Variants in IL12RB2 observed in about 807,000 individuals in gnomAD.
IL12RB2 encodes the protein interleukin 12 receptor subunit beta 2, also known as interleukin-12 receptor subunit beta-2.
Under a neutral mutation model 89.4 loss-of-function variants are expected in IL12RB2, and 82 were observed. That is an observed-to-expected ratio of 0.92 (90% confidence interval 0.77 to 1.10). The LOEUF is 1.10. IL12RB2 is among the 50% of genes least tolerant of loss of function. IL12RB2 has a pLI of 0.00. For synonymous variants in IL12RB2, 368 were observed against 370.1 expected, an observed-to-expected ratio of 0.99 and a Z score of 0.07; for missense variants, 963 against 1,031.9, an observed-to-expected ratio of 0.93 and a Z score of 0.92.
chr1:67,330,577 T>TG (rs1657937505), intron 7 of IL12RB2, 83 bp from the exon 8 acceptor site: 1 of 759,928 alleles, frequency 1.3e-6, no homozygotes, highest in Admixed American at 2.1e-5. Context: ...TAGCCTGGGT[T>TG]TTTTTTTTTT....
intron 9 of IL12RB2, among the ~76,000 whole-genome samples, chr1:67,344,667 T>C (rs919273369): frequency 6.6e-6 from 1 of 152,238 alleles, no homozygotes; most frequent in Non-Finnish European, 1.5e-5. Context: ...TTAAAATTAT[T>C]TGGATATTTT....
chr1:67,377,105 G>C (rs189392632), intron 13 of IL12RB2, among the ~76,000 whole-genome samples: 15 of 152,320 alleles, frequency 9.8e-5, no homozygotes, highest in Admixed American at 3.3e-4. Flanking sequence ...GGGTGGAGTA[G>C]AGGTAATATT....
intron 15 of IL12RB2, among the ~76,000 whole-genome samples, chr1:67,389,614 A>G (rs6685568): frequency 0.14 from 21,092 of 152,102 alleles, 2,204 homozygotes; most frequent in African/African-American, 0.28. Flanking sequence ...CTTTTTTTCA[A>G]CTGTTCACAT....
At chr1:67,384,171 CCG>C (rs1273718441) in intron 14 of IL12RB2, among the ~76,000 whole-genome samples, 1 of 152,164 alleles carries the variant, frequency 6.6e-6, no homozygotes, top group Non-Finnish European at 1.5e-5. Flanking sequence ...CATAAGGGCT[CCG>C]CCCCTGCAGC....
At chr1:67,379,343 C>T (rs1415971722) in intron 13 of IL12RB2, among the ~76,000 whole-genome samples, 2 of 151,082 alleles carry the variant, frequency 1.3e-5, no homozygotes, top group African/African-American at 4.9e-5. Context: ...AACCCCATCA[C>T]TACTAAAAAT....
chr1:67,396,939 T>C lies in IL12RB2; in HGVS notation c.*850T>C, dbSNP rs1666405379. On this transcript the variant is annotated 3_prime_UTR_variant, in exon 17 of 17. Transcript: ENST00000674203. ...TGAGGTCAGGAGATCGAGACCATTCTGGCTAACATGGTGAAACCCCATCTC... is the reference window on the plus strand; with the variant it reads ...TGAGGTCAGGAGATCGAGACCATTCCGGCTAACATGGTGAAACCCCATCTC... The C allele has an allele frequency of 6.6e-6, 1 of 152,066 alleles. No individual in the cohort carries two copies. The highest frequency in any genetic ancestry group is 2.4e-5 in the African/African-American group (1 of 41,380). 9.4% of individuals were successfully genotyped at this position (152,066 alleles called of 1,614,324 possible). A position where few individuals can be genotyped will look rare whatever the true frequency, so the allele number is the denominator to read the frequency against.
chr1:67,318,694 G>A lies in IL12RB2; in HGVS notation c.-36-1639G>A, dbSNP rs144511753. Among the ~76,000 whole-genome samples the A allele has an allele frequency of 3.9e-4, 60 of 152,136 alleles. No individual in the cohort carries two copies. The East Asian group carries it at 9.5e-3, about 24-fold the overall frequency. On this transcript the variant is annotated intron_variant, in intron 2 of 16. Coordinates refer to ENST00000674203, the MANE Select transcript of IL12RB2 (RefSeq NM_001374259.2). ...AAGGAAGAATGAATTTGGAGAAAGG[G>A]TGCCAAGAATTTAAACTGAACACCT... is the stretch of plus-strand genomic sequence containing the variant.
upstream of IL12RB2, chr1:67,307,390 C>T (rs1394480432): frequency 6.6e-6 from 1 of 152,348 alleles, no homozygotes; most frequent in Non-Finnish European, 1.5e-5. Flanking sequence ...AGGACATCTG[C>T]GAGGAAAGTT....
intron 14 of IL12RB2, among the ~76,000 whole-genome samples, chr1:67,384,948 T>C (rs1664982862): frequency 6.6e-6 from 1 of 152,330 alleles, no homozygotes; most frequent in Non-Finnish European, 1.5e-5. Flanking sequence ...CTTCCTATCT[T>C]CTCAGCCCTC....
chr1:67,356,124 G>A (rs1228429146), intron 10 of IL12RB2, among the ~76,000 whole-genome samples: 2 of 152,220 alleles, frequency 1.3e-5, no homozygotes, highest in Admixed American at 6.5e-5. Context: ...GGCAAGTGAA[G>A]ACAAGGAACC....
intron 9 of IL12RB2, among the ~76,000 whole-genome samples, chr1:67,340,448 T>C (rs1268019524): frequency 6.6e-6 from 1 of 152,234 alleles, no homozygotes; most frequent in African/African-American, 2.4e-5. Context: ...TCAACAGTGA[T>C]CTGGAAAGAT....
Position 67,396,908 on chromosome 1 carries a change from G to A in IL12RB2, c.*819G>A, listed in dbSNP as rs17838069. 0.043 allele frequency: 6,551 copies of A among 152,252 alleles called. 180 individuals carry two copies. The highest frequency in any genetic ancestry group is 0.068 in the African/African-American group (2,834 of 41,498). 9.4% of individuals were successfully genotyped at this position (152,252 alleles called of 1,614,324 possible). The stretch of plus-strand genomic sequence containing the variant: ...AGCACTTTGGGAGGCTGAGGCAGGC[G>A]GATCATGAGGTCAGGAGATCGAGAC... On this transcript the variant is annotated 3_prime_UTR_variant, in exon 17 of 17. Coordinates refer to ENST00000674203, the MANE Select transcript of IL12RB2 (RefSeq NM_001374259.2).
chr1:67,393,266 T>C (rs1666019402), intron 16 of IL12RB2, among the ~76,000 whole-genome samples: 1 of 152,090 alleles, frequency 6.6e-6, no homozygotes. Flanking sequence ...GGCCAAATCA[T>C]AAAGGGGATT....
chr1:67,386,646 C>G lies in IL12RB2; in HGVS notation c.1923C>G (p.Phe641Leu). ...TTGCTATCATCATGGTGGGCATTTT[C>G]TCAACGCATTACTTCCAGCAAAAGT... ...ICIAIIMVGI[F>L]STHYFQQKVF... The change falls in exon 15 of 17, where the codon TTC becomes TTG. Residue 641 changes from phenylalanine to leucine, a missense_variant. Coordinates refer to ENST00000674203, the MANE Select transcript of IL12RB2 (RefSeq NM_001374259.2). 6.2e-7 allele frequency: 1 copy of G among 1,612,590 alleles called. No individual in the cohort carries two copies. Among genetic ancestry groups the G allele is most frequent in the Non-Finnish European group, 8.5e-7 (1 of 1,178,742 alleles).
chr1:67,385,886 CAT>C (rs965607631), intron 14 of IL12RB2, among the ~76,000 whole-genome samples: 1 of 152,132 alleles, frequency 6.6e-6, no homozygotes, highest in African/African-American at 2.4e-5. Context: ...CAGCAAGGTA[CAT>C]GTCACCATTC....
chr1:67,395,425 A>G, intron 16 of IL12RB2, 122 bp from the exon 17 acceptor site: 10 of 1,588,748 alleles, frequency 6.3e-6, no homozygotes, highest in Non-Finnish European at 8.6e-6. Context: ...CCAGTGCCCA[A>G]CATGTTCCAG....
upstream of IL12RB2, chr1:67,307,684 T>A (rs1654437769): frequency 6.6e-6 from 1 of 152,312 alleles, no homozygotes; most frequent in Non-Finnish European, 1.5e-5. Flanking sequence ...CCCGCCCGGC[T>A]GCGCTTCCAG....
intron 10 of IL12RB2, among the ~76,000 whole-genome samples, chr1:67,359,726 A>AAAAAACAG (rs1257364733): frequency 6.6e-6 from 1 of 152,070 alleles, no homozygotes; most frequent in Admixed American, 6.6e-5. Flanking sequence ...AAAAAAAACA[A>AAAAAACAG]AAAAACACAC....
chr1:67,320,918 G>A (rs1430707321), intron 3 of IL12RB2, among the ~76,000 whole-genome samples: 5 of 98,692 alleles, frequency 5.1e-5, no homozygotes, highest in African/African-American at 1.7e-4. Context: ...GCCCTGGTTC[G>A]TGATGCCCAC....
Sources: gnomAD v4.1 joint callset for allele counts (sites outside exome capture counted in the v4.1 genomes callset) on GRCh38, gnomAD v4.1.1 for gene constraint, MANE v1.5 for transcripts, NCBI Gene and HGNC (gene_info 2026-07-23, HGNC 2026-07-21) for gene names.